The following PRKCA variants were observed in gnomAD, a reference collection of about 807,000 sequenced individuals.
PRKCA encodes protein kinase C alpha, also known as protein kinase C alpha type.
A neutral mutation model predicts 87.0 loss-of-function variants in PRKCA; 27 were observed. The observed-to-expected ratio is 0.31, with a 90% CI of 0.23 to 0.43. PRKCA has a LOEUF of 0.43. Among genes scored for constraint, PRKCA ranks in the 20% least tolerant of loss-of-function variants. The pLI, the probability that PRKCA is intolerant of heterozygous loss-of-function variation, is 1.00. For missense variants in PRKCA, 518 were observed against 852.3 expected (o/e 0.61, Z 4.88); for synonymous variants, 329 against 311.1 (o/e 1.06, Z -0.61).
chr17:66,329,830 C>T (rs967584527), intron 2 of PRKCA, among the ~76,000 whole-genome samples: 2 of 152,228 alleles, frequency 1.3e-5, no homozygotes, highest in Non-Finnish European at 1.5e-5. Context: ...AAACACACCC[C>T]GTCATTTATC....
intron 14 of PRKCA, among the ~76,000 whole-genome samples, chr17:66,782,311 A>G (rs1416511731): frequency 1.3e-5 from 2 of 152,032 alleles, no homozygotes; most frequent in Non-Finnish European, 2.9e-5. Context: ...AATAGTCTCT[A>G]TCTTTGCAAC....
chr17:66,781,849 T>TGA (rs56164343), intron 14 of PRKCA, among the ~76,000 whole-genome samples: 1,753 of 131,482 alleles, frequency 0.013, 47 homozygotes, highest in African/African-American at 0.046. Flanking sequence ...GTAAATTTTG[T>TGA]GAGAGAGAGA....
At position 66,469,687 on chromosome 17, in the gene PRKCA, A is replaced by G. The variant is rs1033166271; in HGVS notation, c.206-26514A>G. On this transcript the variant is annotated intron_variant, in intron 2 of 16. Transcript: ENST00000413366. ...TTCTGTCACTTGTATTATTGAGGAA[A>G]CATTTGCAAGTAGGACAAAAAGCTG... Among the ~76,000 whole-genome samples, 13 of 152,334 alleles carry G rather than the reference A, an allele frequency of 8.5e-5. No individual in the cohort carries two copies. In the East Asian group the frequency reaches 2.3e-3, roughly 27 times the overall value.
chr17:66,579,481 G>C (rs779575611), intron 3 of PRKCA, among the ~76,000 whole-genome samples: 1 of 152,322 alleles, frequency 6.6e-6, no homozygotes, highest in Middle Eastern at 3.4e-3. Context: ...GCACGGGTCT[G>C]TGTTACCTCA....
At chr17:66,702,149 TAC>T (rs921133120) in intron 8 of PRKCA, among the ~76,000 whole-genome samples, 16 of 151,484 alleles carry the variant, frequency 1.1e-4, no homozygotes, top group African/African-American at 2.2e-4. Context: ...TATATATATA[TAC>T]ACACACACAT....
intron 9 of PRKCA, 82 bp from the exon 10 acceptor site, chr17:66,735,407 C>A: frequency 7.0e-7 from 1 of 1,430,774 alleles, no homozygotes; most frequent in Non-Finnish European, 9.8e-7. Context: ...TGTCACTGAG[C>A]CGTCACCTGG....
intron 3 of PRKCA, among the ~76,000 whole-genome samples, chr17:66,518,246 G>A (rs1276287344): frequency 6.6e-6 from 1 of 152,140 alleles, no homozygotes; most frequent in East Asian, 1.9e-4. Context: ...CATAAGCAGA[G>A]GTTGATGATG....
At chr17:66,662,239 G>T (rs898425520) in intron 5 of PRKCA, among the ~76,000 whole-genome samples, 8 of 152,112 alleles carry the variant, frequency 5.3e-5, no homozygotes, top group Non-Finnish European at 1.0e-4. Flanking sequence ...TCTCTCTTCC[G>T]TCCAAACGAA....
intron 2 of PRKCA, among the ~76,000 whole-genome samples, chr17:66,334,266 A>G (rs1460421065): frequency 6.6e-6 from 1 of 152,118 alleles, no homozygotes; most frequent in African/African-American, 2.4e-5. Context: ...AAACAAAACA[A>G]AACACCAAAA....
At chr17:66,356,243 G>A (rs1908040914) in intron 2 of PRKCA, among the ~76,000 whole-genome samples, 1 of 152,024 alleles carries the variant, frequency 6.6e-6, no homozygotes, top group Non-Finnish European at 1.5e-5. Flanking sequence ...GAACAGTGAT[G>A]GTGTAAAGGA....
intron 3 of PRKCA, among the ~76,000 whole-genome samples, chr17:66,500,903 G>GA (rs201084374): frequency 0.02 from 2,999 of 151,342 alleles, 39 homozygotes; most frequent in Non-Finnish European, 0.028. Flanking sequence ...GAATTTAAGA[G>GA]AAAAAAAACT....
intron 3 of PRKCA, among the ~76,000 whole-genome samples, chr17:66,511,817 A>G (rs184212992): frequency 3.3e-5 from 5 of 151,882 alleles, no homozygotes; most frequent in African/African-American, 1.2e-4. Flanking sequence ...AGTAGCTGGG[A>G]TTACAGGTGC....
At chr17:66,686,138 A>G (rs1972621217) in intron 5 of PRKCA, among the ~76,000 whole-genome samples, 1 of 152,242 alleles carries the variant, frequency 6.6e-6, no homozygotes. Flanking sequence ...TCCCTTCATC[A>G]TAGCAGTAGA....
In PRKCA at chr17:66,791,180, G is replaced by A. The variant is rs150130730; in HGVS notation, c.1854+2201G>A. Among the ~76,000 whole-genome samples the A allele has an allele frequency of 3.8e-3, 480 of 126,990 alleles. 1 individual carries two copies. The highest frequency in any genetic ancestry group is 5.7e-3 in the Non-Finnish European group (368 of 64,408). The allele number at this position is 126,990 out of a possible 152,430, so 83.3% of individuals were successfully genotyped here. A position where few individuals can be genotyped will look rare whatever the true frequency, so the allele number is the denominator to read the frequency against. ...TTGTTTGTTTTTTAACTGAATGCTCGTTAAAATTAAGAAGGAAGGATAAAT... is the reference window on the plus strand; with the variant it reads ...TTGTTTGTTTTTTAACTGAATGCTCATTAAAATTAAGAAGGAAGGATAAAT... On this transcript the variant is annotated intron_variant, in intron 16 of 16. Transcript: ENST00000413366.
chr17:66,302,738 G>A lies in PRKCA; in HGVS notation c.-114G>A. 2.5e-6 allele frequency: 2 copies of A among 788,654 alleles called. No homozygotes were observed. The highest frequency in any genetic ancestry group is 3.1e-6 in the Non-Finnish European group (2 of 638,814). 48.9% of individuals were successfully genotyped at this position (788,654 alleles called of 1,614,324 possible). A position where few individuals can be genotyped will look rare whatever the true frequency, so the allele number is the denominator to read the frequency against. On this transcript the variant is annotated 5_prime_UTR_variant, in exon 1 of 17. Coordinates refer to ENST00000413366, the MANE Select transcript of PRKCA (RefSeq NM_002737.3). ...TCGCCGCGACCTCGGCCACCGGCCC[G>A]CGCCCCGCGCCCGGGGTCGCCCCGA... is the stretch of plus-strand genomic sequence containing the variant.
intron 2 of PRKCA, among the ~76,000 whole-genome samples, chr17:66,446,271 A>C (rs974083968): frequency 6.6e-6 from 1 of 151,876 alleles, no homozygotes; most frequent in Non-Finnish European, 1.5e-5. Context: ...ACACATTCAC[A>C]CTCACACTCC....
chr17:66,573,551 T>A lies in PRKCA; in HGVS notation c.289-67804T>A, dbSNP rs1969139439. ...TTCTTCTAATTATAAAGATGCTGCATGCTCATTACAGGAAGTTCTAAGAGT... is the reference window on the plus strand; with the variant it reads ...TTCTTCTAATTATAAAGATGCTGCAAGCTCATTACAGGAAGTTCTAAGAGT... On this transcript the variant is annotated intron_variant, in intron 3 of 16. Transcript: ENST00000413366. Among the ~76,000 whole-genome samples the A allele has an allele frequency of 2.6e-5, 4 of 152,358 alleles. 1 individual carries two copies. Among genetic ancestry groups the A allele is most frequent in the Admixed American group, 2.6e-4 (4 of 15,308 alleles).
chr17:66,549,141 G>T (rs1326391690), intron 3 of PRKCA, among the ~76,000 whole-genome samples: 2 of 138,584 alleles, frequency 1.4e-5, no homozygotes, highest in Non-Finnish European at 3.1e-5. Context: ...GTTTATGGCA[G>T]TTTTTTTTTT....
intron 13 of PRKCA, among the ~76,000 whole-genome samples, chr17:66,762,615 G>T (rs1442803223): frequency 6.6e-6 from 1 of 152,106 alleles, no homozygotes; most frequent in Admixed American, 6.6e-5. Flanking sequence ...CCCTGCTGCG[G>T]GGCTTTCTGT....
Sources: gnomAD v4.1 joint callset for allele counts (sites outside exome capture counted in the v4.1 genomes callset) on GRCh38, gnomAD v4.1.1 for gene constraint, MANE v1.5 for transcripts, NCBI Gene and HGNC (gene_info 2026-07-23, HGNC 2026-07-21) for gene names.